Variants in PDE1C observed in about 807,000 individuals in gnomAD.
PDE1C encodes the protein dual specificity calcium/calmodulin-dependent 3',5'-cyclic nucleotide phosphodiesterase 1C.
In PDE1C, 62 loss-of-function variants were observed where a neutral mutation model predicts 93.1. The observed-to-expected ratio is 0.67, with a 90% CI of 0.54 to 0.82. PDE1C has a LOEUF of 0.82. Ranked by LOEUF, PDE1C falls within the 40% of genes least tolerant of loss-of-function variation. The pLI is 0.00. For missense variants in PDE1C, 742 were observed against 884.6 expected, an observed-to-expected ratio of 0.84 and a Z score of 2.04; for synonymous variants, 325 against 310.1, an observed-to-expected ratio of 1.05 and a Z score of -0.50.
intron 2 of PDE1C, among the ~76,000 whole-genome samples, chr7:31,953,072 T>C (rs1341544562): frequency 6.6e-6 from 1 of 152,214 alleles, no homozygotes; most frequent in Non-Finnish European, 1.5e-5. Context: ...AAAAATATCA[T>C]GTTGTTGGGT....
intron 2 of PDE1C, among the ~76,000 whole-genome samples, chr7:31,886,881 G>GAATA (rs1583793857): frequency 0.025 from 362 of 14,274 alleles, no homozygotes; most frequent in Middle Eastern, 0.062. Context: ...GATCTATTCA[G>GAATA]GGGCGTGTCA....
the PDE1C span, among the ~76,000 whole-genome samples, chr7:31,720,036 G>T: frequency 6.6e-6 from 1 of 151,134 alleles, no homozygotes; most frequent in Non-Finnish European, 1.5e-5. Context: ...GGTGGCGGGC[G>T]CCTGTAGTCC....
chr7:32,067,748 CT>C (rs1795570140), intron 1 of PDE1C, among the ~76,000 whole-genome samples: 1 of 152,194 alleles, frequency 6.6e-6, no homozygotes, highest in Admixed American at 6.5e-5. Context: ...TCCTAGCTAG[CT>C]CATGGCTCAT....
At chr7:31,634,702 G>A in the PDE1C span, among the ~76,000 whole-genome samples, 4 of 152,212 alleles carry the variant, frequency 2.6e-5, no homozygotes, top group African/African-American at 9.6e-5. Flanking sequence ...GAAAAAAATT[G>A]TGCAGGGCTT....
At chr7:32,187,531 T>C (rs1355007661) in intron 2 of PDE1C, among the ~76,000 whole-genome samples, 2 of 151,776 alleles carry the variant, frequency 1.3e-5, no homozygotes, top group African/African-American at 4.9e-5. Context: ...ATTATGATGG[T>C]ATTTCACATA....
chr7:31,775,286 G>T (rs1795752097), intron 17 of PDE1C, among the ~76,000 whole-genome samples: 1 of 152,146 alleles, frequency 6.6e-6, no homozygotes, highest in African/African-American at 2.4e-5. Context: ...ACATGTGAGG[G>T]CACACAATTT....
chr7:31,880,764 C>T lies in PDE1C; in HGVS notation c.225G>A (p.Val75=), dbSNP rs376822652. Residue 75 remains valine, a synonymous_variant, in exon 3 of 18, where the codon GTG becomes GTA. Transcript: ENST00000396191. The stretch of plus-strand genomic sequence containing the variant: ...TAGCTTACCTTGTTTCATCAATATA[C>T]ACAGATTCAAGCACTGTGGCTGCAT... ...LEYAATVLES[V]YIDETRRLLD... 9.2e-5 allele frequency: 146 copies of T among 1,593,948 alleles called. No individual in the cohort carries two copies. The highest frequency in any genetic ancestry group is 1.2e-4 in the Non-Finnish European group (139 of 1,162,172).
At chr7:32,423,441 A>T (rs1298808548) in intron 1 of PDE1C, among the ~76,000 whole-genome samples, 1 of 152,216 alleles carries the variant, frequency 6.6e-6, no homozygotes, top group Non-Finnish European at 1.5e-5. Context: ...GACTTACCAG[A>T]AAGTCGAGAG....
intron 2 of PDE1C, among the ~76,000 whole-genome samples, chr7:32,007,571 T>A (rs1260279435): frequency 6.6e-6 from 1 of 152,348 alleles, no homozygotes; most frequent in African/African-American, 2.4e-5. Context: ...ATAGATATAA[T>A]GTTCAGCCAC....
intron 2 of PDE1C, among the ~76,000 whole-genome samples, chr7:32,195,636 G>A (rs774306649): frequency 2.0e-5 from 3 of 152,092 alleles, no homozygotes; most frequent in South Asian, 2.1e-4. Context: ...AGGATTGCTC[G>A]AGCGCAGGAG....
At chr7:31,639,483 T>G in the PDE1C span, among the ~76,000 whole-genome samples, 4 of 152,028 alleles carry the variant, frequency 2.6e-5, no homozygotes, top group South Asian at 8.3e-4. Flanking sequence ...AGTTCATCTT[T>G]CCTCTAGCTT....
At chr7:32,387,166 A>G (rs1784645268) in intron 1 of PDE1C, among the ~76,000 whole-genome samples, 2 of 151,566 alleles carry the variant, frequency 1.3e-5, no homozygotes, top group African/African-American at 2.4e-5. Context: ...GACACAGCAC[A>G]TGTTTCAGAG....
rs561254797 is a variant in PDE1C, at chr7:32,105,147, T to C, written c.308+64638A>G. Among the ~76,000 whole-genome samples, 20 of 152,300 alleles carry C rather than the reference T, an allele frequency of 1.3e-4. 1 individual carries two copies. The South Asian group carries it at 1.7e-3, about 13-fold the overall frequency. On this transcript the variant is annotated intron_variant, in intron 3 of 18. Coordinates refer to the PDE1C transcript ENST00000396193. ...GTGGGAAATGGAGACAAAAGGCACA[T>C]TTCTAGCTAATGGTGATGGAAGAAA...
intron 1 of PDE1C, among the ~76,000 whole-genome samples, chr7:32,345,248 G>A (rs897091552): frequency 4.6e-5 from 7 of 152,124 alleles, no homozygotes; most frequent in Admixed American, 2.0e-4. Context: ...GAGCCCCTTC[G>A]CAGACACGTG....
At chr7:31,669,750 G>A in the PDE1C span, among the ~76,000 whole-genome samples, 1 of 152,218 alleles carries the variant, frequency 6.6e-6, no homozygotes, top group East Asian at 1.9e-4. Flanking sequence ...CATTACTCAT[G>A]TAATAAGATT....
chr7:31,992,364 T>C (rs931540564), intron 2 of PDE1C, among the ~76,000 whole-genome samples: 2 of 152,198 alleles, frequency 1.3e-5, no homozygotes, highest in African/African-American at 4.8e-5. Context: ...GTACCTGGTG[T>C]TTCCAAGTGC....
chr7:32,001,537 TAC>T (rs1785452489), intron 2 of PDE1C, among the ~76,000 whole-genome samples: 1 of 138,420 alleles, frequency 7.2e-6, no homozygotes, highest in South Asian at 2.2e-4. Context: ...AGTAACAGCG[TAC>T]ACACCAGCTC....
chr7:31,855,656 AAT>A (rs1180615575), intron 7 of PDE1C, among the ~76,000 whole-genome samples: 1 of 151,340 alleles, frequency 6.6e-6, no homozygotes, highest in Non-Finnish European at 1.5e-5. Context: ...ATATGTTAAT[AAT>A]ATGACATTAT....
At chr7:32,318,894 G>A (rs1383561377) in intron 1 of PDE1C, among the ~76,000 whole-genome samples, 1 of 152,218 alleles carries the variant, frequency 6.6e-6, no homozygotes, top group East Asian at 1.9e-4. Flanking sequence ...TCCAGGCTCT[G>A]GACTGAGGTT....
Sources: allele counts gnomAD v4.1 joint callset (sites outside exome capture counted in the v4.1 genomes callset), GRCh38; gene constraint gnomAD v4.1.1; transcripts MANE v1.5; gene names NCBI Gene and HGNC (gene_info 2026-07-23, HGNC 2026-07-21).